The following SMIM35 variants were observed in gnomAD, a reference collection of about 807,000 sequenced individuals.
The protein encoded by SMIM35 is small integral membrane protein 35, also known as TMPRSS4 antisense RNA 1 (non-protein coding).
intron 3 of SMIM35, 98 bp downstream of exon 3, chr11:118,014,610 A>C (rs887561094): frequency 2.5e-6 from 1 of 398,446 alleles, no homozygotes; most frequent in African/African-American, 2.1e-5. Context: ...AGAAGACAGG[A>C]AAGGGAACCA....
intron 1 of SMIM35, among the ~76,000 whole-genome samples, chr11:118,062,131 A>G (rs1033260857): frequency 2.0e-5 from 3 of 152,188 alleles, no homozygotes; most frequent in Admixed American, 2.0e-4. Context: ...GGAGTTCAAG[A>G]CCAGCTTGGC....
intron 2 of SMIM35, among the ~76,000 whole-genome samples, chr11:118,015,263 A>T (rs1297757132): frequency 6.6e-6 from 1 of 152,224 alleles, no homozygotes; most frequent in East Asian, 1.9e-4. Flanking sequence ...AGAACACCAC[A>T]GCAAATTCCA....
chr11:118,079,066 C>A (rs1011720761), intron 1 of SMIM35, among the ~76,000 whole-genome samples: 1 of 152,064 alleles, frequency 6.6e-6, no homozygotes, highest in Non-Finnish European at 1.5e-5. Flanking sequence ...CGGGGGAGGG[C>A]AGGTGGGAAC....
intron 1 of SMIM35, among the ~76,000 whole-genome samples, chr11:118,017,413 A>G (rs1437861834): frequency 6.6e-6 from 1 of 152,208 alleles, no homozygotes; most frequent in Non-Finnish European, 1.5e-5. Flanking sequence ...ATGGCATGAG[A>G]GTAACCAAAT....
chr11:118,009,116 C>T (rs547079924), intron 4 of SMIM35, among the ~76,000 whole-genome samples: 1 of 152,198 alleles, frequency 6.6e-6, no homozygotes, highest in African/African-American at 2.4e-5. Context: ...TCTAAAAAAA[C>T]AAAAGGAAGA....
intron 1 of SMIM35, among the ~76,000 whole-genome samples, chr11:118,024,246 A>C (rs572597137): frequency 2.0e-5 from 3 of 152,176 alleles, no homozygotes; most frequent in African/African-American, 7.2e-5. Context: ...CCCATGGTTG[A>C]TATCATAACT....
intron 1 of SMIM35, among the ~76,000 whole-genome samples, chr11:118,042,546 T>C (rs1722050535): frequency 1.3e-5 from 2 of 152,180 alleles, no homozygotes; most frequent in South Asian, 4.1e-4. Context: ...AGAATTAATA[T>C]CAGTTATTCA....
chr11:118,034,636 A>G (rs1023155454), intron 1 of SMIM35, among the ~76,000 whole-genome samples: 1 of 152,218 alleles, frequency 6.6e-6, no homozygotes, highest in Non-Finnish European at 1.5e-5. Context: ...CCTGGGAGGC[A>G]GAGGTTGCAG....
At chr11:118,052,696 C>G (rs1192818486) in intron 1 of SMIM35, among the ~76,000 whole-genome samples, 2 of 151,978 alleles carry the variant, frequency 1.3e-5, no homozygotes, top group African/African-American at 4.8e-5. Flanking sequence ...CCCACCTGGG[C>G]ATTTCTCTGT....
At chr11:118,035,086 G>A (rs1360978225) in intron 1 of SMIM35, among the ~76,000 whole-genome samples, 2 of 151,896 alleles carry the variant, frequency 1.3e-5, no homozygotes, top group Non-Finnish European at 2.9e-5. Flanking sequence ...TGAGTAGCTG[G>A]GACCGTAGGC....
At chr11:118,015,933 C>G (rs918692358) in intron 1 of SMIM35, 124 bp from the exon 2 acceptor site, 5 of 397,832 alleles carry the variant, frequency 1.3e-5, no homozygotes, top group Non-Finnish European at 2.2e-5. Flanking sequence ...GAGCCTTGCT[C>G]TGAGCCCAGT....
At chr11:118,035,432 G>T (rs746485743) in intron 1 of SMIM35, among the ~76,000 whole-genome samples, 2 of 152,210 alleles carry the variant, frequency 1.3e-5, no homozygotes, top group African/African-American at 2.4e-5. Flanking sequence ...ACATAGGAGC[G>T]CTGCCTTCAT....
intron 1 of SMIM35, among the ~76,000 whole-genome samples, chr11:118,085,719 A>T (rs1178856395): frequency 1.3e-5 from 2 of 152,208 alleles, no homozygotes; most frequent in African/African-American, 4.8e-5. Context: ...GGTCCCTGCC[A>T]GGCTGAAAGG....
At chr11:118,084,601 T>G (rs1163808560) in intron 1 of SMIM35, among the ~76,000 whole-genome samples, 2 of 152,222 alleles carry the variant, frequency 1.3e-5, no homozygotes, top group African/African-American at 4.8e-5. Context: ...ACCCTGCCCC[T>G]GTACAGAACC....
intron 1 of SMIM35, among the ~76,000 whole-genome samples, chr11:118,075,426 A>T (rs1944651446): frequency 6.6e-6 from 1 of 152,238 alleles, no homozygotes; most frequent in African/African-American, 2.4e-5. Flanking sequence ...CCTCCTGCTC[A>T]GACATCACTG....
At chr11:118,063,666 T>A in intron 1 of SMIM35, among the ~76,000 whole-genome samples, 1 of 152,038 alleles carries the variant, frequency 6.6e-6, no homozygotes, top group East Asian at 1.9e-4. Context: ...CCCCTAAACT[T>A]AGGGGAGGGG....
At chr11:118,019,196 C>G (rs1415285629) in intron 1 of SMIM35, among the ~76,000 whole-genome samples, 1 of 152,194 alleles carries the variant, frequency 6.6e-6, no homozygotes, top group Non-Finnish European at 1.5e-5. Flanking sequence ...ACCACTTCCA[C>G]TTCTGGCCAT....
At chr11:118,028,838 GAGA>G (rs1422148214) in intron 1 of SMIM35, 2 of 452,498 alleles carry the variant, frequency 4.4e-6, no homozygotes, top group South Asian at 3.1e-5. Flanking sequence ...AGGGGAAAAG[GAGA>G]AGAAAAAGGA....
chr11:118,021,161 CAT>C (rs1271279518), intron 1 of SMIM35, among the ~76,000 whole-genome samples: 4 of 151,856 alleles, frequency 2.6e-5, no homozygotes, highest in African/African-American at 9.7e-5. Flanking sequence ...TCATCTAACT[CAT>C]GAAGTCAAAG....
Sources: allele counts gnomAD v4.1 joint callset (sites outside exome capture counted in the v4.1 genomes callset), GRCh38; gene constraint gnomAD v4.1.1; transcripts MANE v1.5; gene names NCBI Gene and HGNC (gene_info 2026-07-23, HGNC 2026-07-21).